The following ACTN2 variants were observed in gnomAD, a reference collection of about 807,000 sequenced individuals.
The protein encoded by ACTN2 is alpha-actinin-2.
A neutral mutation model predicts 113.8 loss-of-function variants in ACTN2; 39 were observed. The ratio of observed to expected loss-of-function variants is 0.34; its 90% CI spans 0.27 to 0.45. The LOEUF is 0.45. Ranked by LOEUF, ACTN2 falls within the 20% of genes least tolerant of loss-of-function variation. The pLI is 1.00. For synonymous variants in ACTN2, 429 were observed against 444.1 expected, an observed-to-expected ratio of 0.97 and a Z score of 0.43; for missense variants, 992 against 1,177.9, an observed-to-expected ratio of 0.84 and a Z score of 2.31.
chr1:236,731,208 T>C (rs1353804592), intron 6 of ACTN2, 25 bp from the exon 7 acceptor site: 2 of 1,572,526 alleles, frequency 1.3e-6, no homozygotes, highest in Admixed American at 3.3e-5. Context: ...ATTTTAAAAA[T>C]CTGACTGTCT....
chr1:236,728,224 G>A (rs1224756187), intron 6 of ACTN2, among the ~76,000 whole-genome samples: 1 of 150,172 alleles, frequency 6.7e-6, no homozygotes, highest in Admixed American at 6.7e-5. Flanking sequence ...GCTCACAGCA[G>A]GCTCCGCCTC....
chr1:236,703,731 C>G (rs1354149668), intron 1 of ACTN2, among the ~76,000 whole-genome samples: 2 of 151,244 alleles, frequency 1.3e-5, no homozygotes, highest in Non-Finnish European at 2.9e-5. Context: ...TAATGTAGAG[C>G]TAGATTGAAT....
chr1:236,741,242 T>G (rs2102925029), intron 10 of ACTN2, among the ~76,000 whole-genome samples: 1 of 151,804 alleles, frequency 6.6e-6, no homozygotes, highest in South Asian at 2.1e-4. Flanking sequence ...GGTCTTGCTG[T>G]GTTGCCAGGG....
intron 7 of ACTN2, among the ~76,000 whole-genome samples, chr1:236,734,242 A>G (rs906290201): frequency 6.6e-6 from 1 of 152,214 alleles, no homozygotes; most frequent in South Asian, 2.1e-4. Context: ...TCCTTTGACT[A>G]TTCTCAAAAG....
intron 6 of ACTN2, 97 bp from the exon 7 acceptor site, chr1:236,731,136 A>C: frequency 1.2e-6 from 1 of 849,884 alleles, no homozygotes; most frequent in East Asian, 2.5e-5. Flanking sequence ...GTGGGTGGGA[A>C]GGTGTCCGGC....
chr1:236,735,864 T>C (rs1658857278), intron 8 of ACTN2, 144 bp downstream of exon 8: 3 of 803,012 alleles, frequency 3.7e-6, no homozygotes, highest in Middle Eastern at 2.2e-4. Flanking sequence ...TATGGCAAGT[T>C]CTAAACTGTG....
chr1:236,699,496 C>T (rs1320746157), intron 1 of ACTN2, among the ~76,000 whole-genome samples: 2 of 152,168 alleles, frequency 1.3e-5, no homozygotes, highest in Non-Finnish European at 2.9e-5. Context: ...GGCACATTAT[C>T]GGAGTGAATG....
At chr1:236,698,185 T>A (rs1196768780) in intron 1 of ACTN2, among the ~76,000 whole-genome samples, 1 of 151,342 alleles carries the variant, frequency 6.6e-6, no homozygotes, top group Non-Finnish European at 1.5e-5. Flanking sequence ...TTGATAGGCT[T>A]TGCTAAAGAA....
intron 4 of ACTN2, 106 bp from the exon 5 acceptor site, chr1:236,725,827 C>T: frequency 2.1e-6 from 2 of 962,126 alleles, no homozygotes; most frequent in Non-Finnish European, 3.4e-6. Context: ...AGGAAGAGAC[C>T]CCCTGGGTGA....
Position 236,694,787 on chromosome 1 carries a change from G to A in ACTN2, c.126+7988G>A, listed in dbSNP as rs569488395. Among the ~76,000 whole-genome samples the A allele has an allele frequency of 5.3e-5, 8 of 152,222 alleles. No homozygotes were observed. The East Asian group carries it at 5.8e-4, about 11-fold the overall frequency. ...ATTGTAAGTCTGAGCTGTCGAGGCC[G>A]GGTGTGGTGGCTCATGCCCATATTC... On this transcript the variant is annotated intron_variant, in intron 1 of 20. Transcript: ENST00000366578.
chr1:236,713,214 T>C (rs1352288473), intron 1 of ACTN2, among the ~76,000 whole-genome samples: 1 of 147,064 alleles, frequency 6.8e-6, no homozygotes, highest in Non-Finnish European at 1.5e-5. Flanking sequence ...GTTATATATA[T>C]TGTTCTTTTT....
intron 18 of ACTN2, among the ~76,000 whole-genome samples, chr1:236,758,648 G>A (rs1407043199): frequency 6.8e-6 from 1 of 146,008 alleles, no homozygotes; most frequent in Non-Finnish European, 1.5e-5. Flanking sequence ...AGATGGAGTT[G>A]TGCTTTTGGT....
intron 13 of ACTN2, among the ~76,000 whole-genome samples, chr1:236,748,835 G>A (rs1007604413): frequency 1.3e-5 from 2 of 152,184 alleles, no homozygotes; most frequent in East Asian, 1.9e-4. Context: ...ACAGTATGCC[G>A]TATGTGGAGT....
chr1:236,694,547 A>G (rs1368731095), intron 1 of ACTN2, among the ~76,000 whole-genome samples: 2 of 152,136 alleles, frequency 1.3e-5, no homozygotes, highest in Non-Finnish European at 2.9e-5. Flanking sequence ...TTGAATGAAG[A>G]AATTATGAAT....
intron 1 of ACTN2, among the ~76,000 whole-genome samples, chr1:236,707,659 CTTTTCTTTTCTT>C (rs140066235): frequency 0.41 from 58,150 of 141,058 alleles, 13,746 homozygotes; most frequent in Non-Finnish European, 0.54. Flanking sequence ...ATTCATAGTG[CTTTTCTTTTCTT>C]TTTTCTTTTC....
At chr1:236,706,660 C>T (rs1347673637) in intron 1 of ACTN2, among the ~76,000 whole-genome samples, 8 of 152,186 alleles carry the variant, frequency 5.3e-5, no homozygotes, top group Non-Finnish European at 1.0e-4. Context: ...ATCAATGTAA[C>T]TGGAACTCAA....
chr1:236,709,255 TACACACACACACAC>T (rs372642966), intron 1 of ACTN2, among the ~76,000 whole-genome samples: 2 of 68,892 alleles, frequency 2.9e-5, no homozygotes, highest in African/African-American at 5.3e-5. Flanking sequence ...TATATATATA[TACACACACACACAC>T]ACATATATAT....
intron 8 of ACTN2, chr1:236,736,747 A>G (rs1462536793): frequency 3.2e-6 from 3 of 938,414 alleles, no homozygotes; most frequent in African/African-American, 1.6e-5. Context: ...TCTCCATCCC[A>G]TCGTCATGAG....
intron 1 of ACTN2, among the ~76,000 whole-genome samples, chr1:236,702,580 C>T (rs895858266): frequency 6.6e-6 from 1 of 152,048 alleles, no homozygotes; most frequent in Non-Finnish European, 1.5e-5. Context: ...TCTGAAATGG[C>T]TCCAGATGTA....
Sources: gnomAD v4.1 joint callset for allele counts (sites outside exome capture counted in the v4.1 genomes callset) on GRCh38, gnomAD v4.1.1 for gene constraint, MANE v1.5 for transcripts, NCBI Gene and HGNC (gene_info 2026-07-23, HGNC 2026-07-21) for gene names.